Variants in PDE4D observed in about 807,000 individuals in gnomAD.
PDE4D encodes the protein phosphodiesterase 4D.
PDE4D carries 24 observed loss-of-function variants against 87.4 expected under a neutral mutation model. The ratio of observed to expected loss-of-function variants is 0.27; its 90% CI spans 0.20 to 0.39. The LOEUF (loss-of-function observed/expected upper bound fraction) is 0.39. Among genes scored for constraint, PDE4D ranks in the 10% least tolerant of loss-of-function variants. PDE4D has a pLI of 1.00. For synonymous variants in PDE4D, 384 were observed against 383.2 expected, an observed-to-expected ratio of 1.00 and a Z score of -0.02; for missense variants, 714 against 1,041.0, an observed-to-expected ratio of 0.69 and a Z score of 4.32.
chr5:59,799,155 C>T (rs1766835948), intron 1 of PDE4D, among the ~76,000 whole-genome samples: 1 of 152,234 alleles, frequency 6.6e-6, no homozygotes, highest in South Asian at 2.1e-4. Flanking sequence ...CTCAGACAAC[C>T]GAAAGTTCAT....
chr5:60,457,744 T>C (rs886675846), intron 1 of PDE4D, among the ~76,000 whole-genome samples: 1 of 152,304 alleles, frequency 6.6e-6, no homozygotes, highest in South Asian at 2.1e-4. Context: ...GAGGAAATTA[T>C]TTAACTCTTC....
chr5:59,232,282 C>T (rs1755383812), intron 1 of PDE4D, among the ~76,000 whole-genome samples: 1 of 152,004 alleles, frequency 6.6e-6, no homozygotes, highest in Non-Finnish European at 1.5e-5. Flanking sequence ...TGACAACGGA[C>T]TAATATCCAG....
chr5:60,371,280 T>C (rs1761008256), intron 1 of PDE4D, among the ~76,000 whole-genome samples: 1 of 152,182 alleles, frequency 6.6e-6, no homozygotes, highest in African/African-American at 2.4e-5. Context: ...GTATCATCAT[T>C]CCCATGACAG....
At chr5:60,211,691 AAAAG>A (rs1238187175) in intron 1 of PDE4D, among the ~76,000 whole-genome samples, 5 of 151,928 alleles carry the variant, frequency 3.3e-5, no homozygotes, top group Non-Finnish European at 7.4e-5. Flanking sequence ...TGAAAAACAG[AAAAG>A]AGAGAACTAG....
intron 1 of PDE4D, among the ~76,000 whole-genome samples, chr5:59,239,482 A>G (rs1489696359): frequency 6.6e-6 from 1 of 152,156 alleles, no homozygotes; most frequent in Non-Finnish European, 1.5e-5. Flanking sequence ...CCTTTTTCCA[A>G]GGGTAACACA....
intron 1 of PDE4D, among the ~76,000 whole-genome samples, chr5:60,220,883 A>C (rs1021419617): frequency 1.3e-5 from 2 of 152,114 alleles, no homozygotes; most frequent in Non-Finnish European, 2.9e-5. Flanking sequence ...TAATAATTTA[A>C]ACCCTGTAGA....
chr5:59,016,044 G>A (rs569549520), intron 6 of PDE4D, among the ~76,000 whole-genome samples: 22 of 152,238 alleles, frequency 1.4e-4, no homozygotes, highest in African/African-American at 3.4e-4. Flanking sequence ...ACCAAACACC[G>A]CATGTTCTCA....
intron 1 of PDE4D, among the ~76,000 whole-genome samples, chr5:60,232,652 A>T (rs1562242829): frequency 6.6e-6 from 1 of 151,854 alleles, no homozygotes; most frequent in Non-Finnish European, 1.5e-5. Context: ...TTTCACAAGG[A>T]TCCAGGAAGC....
At chr5:59,414,157 C>G (rs1185311493) in intron 1 of PDE4D, among the ~76,000 whole-genome samples, 1 of 152,318 alleles carries the variant, frequency 6.6e-6, no homozygotes, top group South Asian at 2.1e-4. Flanking sequence ...TGAACCCTCA[C>G]TGAATGCCAG....
chr5:59,011,613 T>G (rs1215967028), intron 6 of PDE4D, among the ~76,000 whole-genome samples: 2 of 150,846 alleles, frequency 1.3e-5, no homozygotes, highest in African/African-American at 4.9e-5. Context: ...GAAAAAAGAG[T>G]AAAAATAAAT....
chr5:59,629,317 T>C (rs927495215), intron 1 of PDE4D, among the ~76,000 whole-genome samples: 2 of 152,052 alleles, frequency 1.3e-5, no homozygotes, highest in African/African-American at 4.8e-5. Flanking sequence ...TTGCAGATGT[T>C]ATTAGTTAAG....
chr5:59,755,623 A>C (rs1009019719), intron 1 of PDE4D, among the ~76,000 whole-genome samples: 15 of 152,140 alleles, frequency 9.9e-5, no homozygotes, highest in African/African-American at 3.6e-4. Context: ...TATATATTTT[A>C]GTTATTAGTA....
chr5:60,362,802 T>C (rs542217601), intron 1 of PDE4D, among the ~76,000 whole-genome samples: 1 of 150,460 alleles, frequency 6.6e-6, no homozygotes, highest in East Asian at 2.0e-4. Context: ...AAAGTTGCAG[T>C]GAGCTGAGAT....
intron 1 of PDE4D, among the ~76,000 whole-genome samples, chr5:59,686,266 T>G (rs1322048924): frequency 6.6e-6 from 1 of 152,182 alleles, no homozygotes; most frequent in East Asian, 1.9e-4. Context: ...CAGTGCAATA[T>G]GCTTTGCATA....
intron 5 of PDE4D, among the ~76,000 whole-genome samples, chr5:59,112,740 C>T (rs1297034604): frequency 1.3e-5 from 2 of 151,472 alleles, no homozygotes; most frequent in African/African-American, 4.8e-5. Flanking sequence ...ACCCTCCCTC[C>T]CTTCCTTCCT....
intron 1 of PDE4D, among the ~76,000 whole-genome samples, chr5:59,359,273 A>G (rs1275171004): frequency 6.6e-6 from 1 of 152,216 alleles, no homozygotes; most frequent in Non-Finnish European, 1.5e-5. Flanking sequence ...AGATAAAACA[A>G]TGGAACTGTA....
At chr5:59,666,655 T>C (rs1459563577) in intron 1 of PDE4D, among the ~76,000 whole-genome samples, 3 of 152,202 alleles carry the variant, frequency 2.0e-5, no homozygotes, top group African/African-American at 7.2e-5. Context: ...GGCTTACTGG[T>C]ACTGAAAAAG....
chr5:59,198,830 G>A (rs1746075826), intron 2 of PDE4D, among the ~76,000 whole-genome samples: 2 of 152,018 alleles, frequency 1.3e-5, no homozygotes, highest in African/African-American at 4.8e-5. Flanking sequence ...GAAACTAAAA[G>A]CAAGAAATCC....
At chr5:59,228,868 C>A (rs1388522541) in intron 1 of PDE4D, among the ~76,000 whole-genome samples, 1 of 152,112 alleles carries the variant, frequency 6.6e-6, no homozygotes, top group African/African-American at 2.4e-5. Flanking sequence ...CATACTCCCT[C>A]CCCAGGGCCT....
Sources: gnomAD v4.1 joint callset for allele counts (sites outside exome capture counted in the v4.1 genomes callset) on GRCh38, gnomAD v4.1.1 for gene constraint, MANE v1.5 for transcripts, NCBI Gene and HGNC (gene_info 2026-07-23, HGNC 2026-07-21) for gene names.